The following WAPL variants were observed in gnomAD, a reference collection of about 807,000 sequenced individuals.
WAPL encodes wings apart-like protein homolog.
A neutral mutation model predicts 121.0 loss-of-function variants in WAPL; 5 were observed. The observed-to-expected ratio is 0.04, with a 90% CI of 0.02 to 0.09. WAPL has a LOEUF of 0.09. Ranked by LOEUF, WAPL falls within the 10% of genes least tolerant of loss-of-function variation. The pLI, the probability that WAPL is intolerant of heterozygous loss-of-function variation, is 1.00. For synonymous variants in WAPL, 480 were observed against 481.5 expected, an observed-to-expected ratio of 1.00 and a Z score of 0.04; for missense variants, 999 against 1,410.8, an observed-to-expected ratio of 0.71 and a Z score of 4.68.
At chr10:86,497,572 T>G (rs1842172123) in intron 3 of WAPL, among the ~76,000 whole-genome samples, 1 of 152,206 alleles carries the variant, frequency 6.6e-6, no homozygotes, top group African/African-American at 2.4e-5. Flanking sequence ...TTATTTTATG[T>G]CAAATGGAAA....
chr10:86,482,910 G>A (rs1841825578), intron 4 of WAPL, among the ~76,000 whole-genome samples: 1 of 152,090 alleles, frequency 6.6e-6, no homozygotes, highest in African/African-American at 2.4e-5. Flanking sequence ...TTATAGCATG[G>A]TAACTACAGT....
chr10:86,459,778 A>T (rs1184068620), intron 11 of WAPL, among the ~76,000 whole-genome samples: 1 of 152,240 alleles, frequency 6.6e-6, no homozygotes, highest in Non-Finnish European at 1.5e-5. Flanking sequence ...TGTTATCTAC[A>T]AACAATGTAG....
chr10:86,477,040 G>C (rs1444600808), intron 4 of WAPL, among the ~76,000 whole-genome samples: 1 of 152,158 alleles, frequency 6.6e-6, no homozygotes, highest in Non-Finnish European at 1.5e-5. Flanking sequence ...AAGGGAAGTA[G>C]TCCAATTAGA....
intron 17 of WAPL, 147 bp from the exon 18 acceptor site, chr10:86,438,162 C>T: frequency 1.9e-6 from 1 of 532,586 alleles, no homozygotes; most frequent in South Asian, 3.5e-5. Context: ...TCCACACTCA[C>T]TCTGCATGTG....
chr10:86,483,165 AATCCTAGC>A (rs1385123757), intron 4 of WAPL, among the ~76,000 whole-genome samples: 20 of 152,176 alleles, frequency 1.3e-4, no homozygotes, highest in Admixed American at 1.1e-3. Context: ...TCACGCCTGT[AATCCTAGC>A]ATTTTGGGAG....
chr10:86,496,871 T>C (rs530403851), intron 4 of WAPL, among the ~76,000 whole-genome samples: 8 of 98,964 alleles, frequency 8.1e-5, no homozygotes, highest in African/African-American at 3.0e-4. Flanking sequence ...GGAATAGTAT[T>C]GACTAGGTGT....
At chr10:86,520,063 A>G (rs2132238303) in intron 1 of WAPL, among the ~76,000 whole-genome samples, 1 of 152,356 alleles carries the variant, frequency 6.6e-6, no homozygotes, top group South Asian at 2.1e-4. Context: ...TGGGAAGCCA[A>G]GACGGGCAGA....
Position 86,446,208 on chromosome 10 carries a change from T to C in WAPL, c.3322+34A>G, listed in dbSNP as rs752541401. ...AAAAAAACAAAATCAAACCACTATC[T>C]TCAATTTAAATACACCATTCAAAGT... is the stretch of plus-strand genomic sequence containing the variant. On this transcript the variant is annotated intron_variant, in intron 16 of 18. Coordinates refer to ENST00000298767, the MANE Select transcript of WAPL (RefSeq NM_015045.5). 14 of 1,607,456 alleles carry C rather than the reference T, an allele frequency of 8.7e-6. No homozygotes were observed. The South Asian group carries it at 1.5e-4, about 18-fold the overall frequency.
intron 4 of WAPL, among the ~76,000 whole-genome samples, chr10:86,496,321 G>A (rs1221605598): frequency 6.6e-6 from 1 of 151,928 alleles, no homozygotes; most frequent in African/African-American, 2.4e-5. Context: ...AGAAACTAGG[G>A]CCCTCATATG....
In WAPL at chr10:86,470,157, C is replaced by G. The variant is rs186813480; in HGVS notation, c.2142+835G>C. On this transcript the variant is annotated intron_variant, in intron 8 of 18. Coordinates refer to ENST00000298767, the MANE Select transcript of WAPL (RefSeq NM_015045.5). Reference sequence around the variant, plus strand: ...AAGCAATTCTCCTGCCTCAGCCTCCCAAGTAGCTGGGATTACAGGTGCCTG... The same window carrying G: ...AAGCAATTCTCCTGCCTCAGCCTCCGAAGTAGCTGGGATTACAGGTGCCTG... Among the ~76,000 whole-genome samples, 482 of 152,132 alleles carry G rather than the reference C, an allele frequency of 3.2e-3. 10 individuals carry two copies. Among genetic ancestry groups the G allele is most frequent in the East Asian group, 0.021 (110 of 5,178 alleles).
chr10:86,488,446 G>A (rs185833498), intron 4 of WAPL: 12 of 152,270 alleles, frequency 7.9e-5, no homozygotes, highest in Admixed American at 7.9e-4. Flanking sequence ...TGTCAGTAAG[G>A]TGCTCGCTTC....
chr10:86,467,578 C>CTAT (rs2132188311), intron 8 of WAPL, 72 bp from the exon 9 acceptor site: 1 of 1,099,534 alleles, frequency 9.1e-7, no homozygotes, highest in Non-Finnish European at 1.3e-6. Context: ...GGAAATAAGA[C>CTAT]TATTAATGAC....
chr10:86,460,038 G>A (rs1841233898), intron 11 of WAPL, among the ~76,000 whole-genome samples: 1 of 152,136 alleles, frequency 6.6e-6, no homozygotes, highest in Admixed American at 6.5e-5. Flanking sequence ...GCTTGAACCC[G>A]GGAAGCAGAG....
intron 9 of WAPL, among the ~76,000 whole-genome samples, chr10:86,463,149 C>T (rs760420086): frequency 2.6e-5 from 4 of 152,076 alleles, no homozygotes; most frequent in South Asian, 2.1e-4. Flanking sequence ...AGGAACAGGC[C>T]GCAAGATGGC....
chr10:86,483,898 T>C (rs1045397899), intron 4 of WAPL, among the ~76,000 whole-genome samples: 1 of 147,516 alleles, frequency 6.8e-6, no homozygotes, highest in Non-Finnish European at 1.5e-5. Flanking sequence ...ACTGTATTTT[T>C]AGTAGAGATG....
intron 4 of WAPL, among the ~76,000 whole-genome samples, chr10:86,495,872 T>C (rs1842140059): frequency 6.6e-6 from 1 of 152,176 alleles, no homozygotes; most frequent in South Asian, 2.1e-4. Flanking sequence ...CCCAGCACTC[T>C]GGGACACCGA....
chr10:86,470,759 A>G (rs1025044163), intron 8 of WAPL, among the ~76,000 whole-genome samples: 9 of 152,226 alleles, frequency 5.9e-5, no homozygotes, highest in Admixed American at 2.6e-4. Flanking sequence ...AACAAAATAC[A>G]ATTTTAAAAG....
intron 17 of WAPL, among the ~76,000 whole-genome samples, chr10:86,438,387 G>A (rs12358286): frequency 0.078 from 11,822 of 152,108 alleles, 714 homozygotes; most frequent in Non-Finnish European, 0.12. Flanking sequence ...CCGGGTAGCC[G>A]GGATTAAAGG....
chr10:86,479,289 C>A (rs1029235480), intron 4 of WAPL, among the ~76,000 whole-genome samples: 17 of 152,156 alleles, frequency 1.1e-4, no homozygotes, highest in African/African-American at 3.9e-4. Flanking sequence ...AAGTTTCTCG[C>A]TCTTACTGCC....
Sources: gnomAD v4.1 joint callset for allele counts (sites outside exome capture counted in the v4.1 genomes callset) on GRCh38, gnomAD v4.1.1 for gene constraint, MANE v1.5 for transcripts, NCBI Gene and HGNC (gene_info 2026-07-23, HGNC 2026-07-21) for gene names.